CREB3: variants seen among roughly 807,000 people sequenced by gnomAD.
CREB3 encodes cAMP responsive element binding protein 3, also known as cyclic AMP-responsive element-binding protein 3.
CREB3 carries 29 observed loss-of-function variants against 34.5 expected under a neutral mutation model. The ratio of observed to expected loss-of-function variants is 0.84; its 90% CI spans 0.63 to 1.15. The LOEUF (loss-of-function observed/expected upper bound fraction) is 1.15, where lower values mean the gene tolerates loss of function less well. Among genes scored for constraint, CREB3 ranks in the 50% most tolerant of loss-of-function variants. The pLI is 0.00. For synonymous variants in CREB3, 187 were observed against 173.9 expected, an observed-to-expected ratio of 1.08 and a Z score of -0.59; for missense variants, 447 against 443.4, an observed-to-expected ratio of 1.01 and a Z score of -0.07.
Position 35,732,717 on chromosome 9 carries a change from T to A in CREB3, c.-56T>A. ...AGGCCTACAGCTGGCCTGGGGCTCG[T>A]GTCTGGGCTTCGGACGTTGGGGCCC... On this transcript the variant is annotated 5_prime_UTR_variant, in exon 1 of 9. Coordinates refer to ENST00000353704, the MANE Select transcript of CREB3 (RefSeq NM_006368.5). The surrounding 1 kb of genome is among the most constrained non-coding windows in gnomAD (Gnocchi z 5.1). The A allele has an allele frequency of 3.2e-6, 5 of 1,572,366 alleles. No homozygotes were observed. Among genetic ancestry groups the A allele is most frequent in the Non-Finnish European group, 4.3e-6 (5 of 1,159,686 alleles).
rs143473276 is a variant in CREB3 at position 35,735,131 on chromosome 9, G to A, written c.458G>A (p.Arg153His). The A allele has an allele frequency of 6.4e-5, 103 of 1,602,582 alleles. No individual in the cohort carries two copies. Among genetic ancestry groups the A allele is most frequent in the Non-Finnish European group, 7.8e-5 (92 of 1,177,384 alleles). ...CAGACAGAGGAACAAATTCTGAAAC[G>A]TGTGCGGAGGAAGATTCGAAATAAA... ...LTKTEEQILK[R>H]VRRKIRNKRS... is the part of the protein sequence containing the mutation. Residue 153 changes from arginine to histidine, a missense_variant, in exon 5 of 9, where the codon CGT becomes CAT. Coordinates refer to ENST00000353704, the MANE Select transcript of CREB3 (RefSeq NM_006368.5).
chr9:35,733,709 T>A (rs567456434), intron 4 of CREB3, among the ~76,000 whole-genome samples: 1 of 152,250 alleles, frequency 6.6e-6, no homozygotes, highest in East Asian at 1.9e-4. Flanking sequence ...GTTAAAAAAA[T>A]AACTCAAAAT....
Position 35,733,430 on chromosome 9 carries a change from A to G in CREB3, c.380A>G (p.Lys127Arg). 6.2e-7 allele frequency: 1 copy of G among 1,613,908 alleles called. No homozygotes were observed. The highest frequency in any genetic ancestry group is 1.3e-5 in the African/African-American group (1 of 75,046). ...IARLVLTDEE[K>R]SLLEKEGLIL... ...AGGCTAGTACTGACAGATGAGGAGA[A>G]GAGTCTATTGGAGAAGGAGGGGCTT... Residue 127 changes from lysine to arginine, a missense_variant, in exon 4 of 9, where the codon AAG becomes AGG. By Grantham distance (26) the Lys-to-Arg change is conservative. Transcript: ENST00000353704.
rs1318071244 is a variant in CREB3 at position 35,736,098 on chromosome 9, C to T, written c.662C>T (p.Ser221Leu). ...RKLQAMVIEI[S>L]NKTSSSSTCI... ...CTCCAGGCCATGGTGATTGAGATAT[C>T]AAACAAAACCAGCAGCAGCAGCACC... Residue 221 changes from serine (S) to leucine (L), a missense_variant, in exon 7 of 9, where the codon TCA becomes TTA. Coordinates refer to ENST00000353704, the MANE Select transcript of CREB3 (RefSeq NM_006368.5). The T allele has an allele frequency of 6.2e-7, 1 of 1,613,950 alleles. No homozygotes were observed. Among genetic ancestry groups the T allele is most frequent in the East Asian group, 2.2e-5 (1 of 44,896 alleles).
chr9:35,736,468 G>A lies in CREB3; in HGVS notation c.858G>A (p.Val286=). Reference sequence around the variant, plus strand: ...AGCTGCCTGCCCTGCAGTCAGAAGTGCCGAAAGACAGCACACACCAGTGGT... The same window carrying A: ...AGCTGCCTGCCCTGCAGTCAGAAGTACCGAAAGACAGCACACACCAGTGGT... ...QLELPALQSE[V]PKDSTHQWLD... is the part of the protein sequence containing the mutation. The change falls in exon 9 of 9, where the codon GTG becomes GTA. Residue 286 remains valine (V), a synonymous_variant. Coordinates refer to ENST00000353704, the MANE Select transcript of CREB3 (RefSeq NM_006368.5). 2 of 1,614,140 alleles carry A rather than the reference G, an allele frequency of 1.2e-6. No individual in the cohort carries two copies. Among genetic ancestry groups the A allele is most frequent in the South Asian group, 1.1e-5 (1 of 91,086 alleles).
At chr9:35,735,009 A>C (rs980291646) in intron 4 of CREB3, 100 bp from the exon 5 acceptor site, 6 of 963,066 alleles carry the variant, frequency 6.2e-6, no homozygotes, top group Non-Finnish European at 9.3e-6. Flanking sequence ...GGGAAGCTGT[A>C]GAAGGGATTT....
In CREB3 at chr9:35,733,370, T is replaced by G. The variant is rs747311416; in HGVS notation, c.346-26T>G. On this transcript the variant is annotated intron_variant, in intron 3 of 8. Coordinates refer to ENST00000353704, the MANE Select transcript of CREB3 (RefSeq NM_006368.5). ...TTCCTCTCTGACATCCCCATGCAAC[T>G]GCCGTCCACTTTCTTGTTACCCTAG... The G allele has an allele frequency of 1.9e-6, 3 of 1,610,044 alleles. No homozygotes were observed. In the African/African-American group the frequency reaches 4.0e-5, roughly 22 times the overall value.
rs1327462628 is a variant in CREB3 at position 35,732,933 on chromosome 9, G to A, written c.129+32G>A. 6.8e-6 allele frequency: 11 copies of A among 1,612,760 alleles called. No individual in the cohort carries two copies. In the African/African-American group the frequency reaches 1.5e-4, roughly 22 times the overall value. On this transcript the variant is annotated intron_variant, in intron 1 of 8. Transcript: ENST00000353704. This position sits in a 1 kb window ranked among gnomAD's most constrained non-coding sequence, Gnocchi z 5.1. ...TGGGGTTCTGACTGGGGAAAGCGTG[G>A]GATGTCCATGAAGTCAGGTGATGGT...
Position 35,736,580 on chromosome 9 carries a change from C to T in CREB3, c.970C>T (p.Pro324Ser), listed in dbSNP as rs538198948. Residue 324 changes from proline to serine, a missense_variant, in exon 9 of 9, where the codon CCC (proline) becomes TCC (serine). Transcript: ENST00000353704. The part of the protein sequence containing the change: ...YMPQAPSAEP[P>S]LEWPFPDLFS... ...GCCTCAGGCTCCCAGTGCAGAGCCTCCCCTGGAGTGGCCATTCCCTGACCT... is the reference window on the plus strand; with the variant it reads ...GCCTCAGGCTCCCAGTGCAGAGCCTTCCCTGGAGTGGCCATTCCCTGACCT... The T allele has an allele frequency of 3.1e-6, 5 of 1,614,142 alleles. No individual in the cohort carries two copies. The African/African-American group carries it at 5.3e-5, about 17-fold the overall frequency.
At position 35,736,312 on chromosome 9, in the gene CREB3, G is replaced by A. The variant is rs1168620726; in HGVS notation, c.781+1G>A. The A allele has an allele frequency of 3.1e-6, 5 of 1,614,018 alleles. No individual in the cohort carries two copies. The highest frequency in any genetic ancestry group is 4.2e-6 in the Non-Finnish European group (5 of 1,179,950). ...GGGAGCCTGCCAGCTGAGCATGGAG[G>A]TAAGAGGCTTAAGGATAGCTCTCAG... On this transcript the variant is annotated splice_donor_variant, in intron 8 of 8. Coordinates refer to ENST00000353704, the MANE Select transcript of CREB3 (RefSeq NM_006368.5). LOFTEE classifies it high-confidence loss of function.
Position 35,736,779 on chromosome 9 carries a change from T to C in CREB3, c.*53T>C. On this transcript the variant is annotated 3_prime_UTR_variant, in exon 9 of 9. Coordinates refer to ENST00000353704, the MANE Select transcript of CREB3 (RefSeq NM_006368.5). Reference sequence around the variant, plus strand: ...AGGAGCCTGGGGGGCTCCCCATCTGTGTCCAAATAAAAAGCGGTGGGCAAG... The same window carrying C: ...AGGAGCCTGGGGGGCTCCCCATCTGCGTCCAAATAAAAAGCGGTGGGCAAG... 2 of 1,511,140 alleles carry C rather than the reference T, an allele frequency of 1.3e-6. No homozygotes were observed. Among genetic ancestry groups the C allele is most frequent in the South Asian group, 1.2e-5 (1 of 83,022 alleles). 93.6% of individuals were successfully genotyped at this position (1,511,140 alleles called of 1,614,324 possible).
Position 35,732,743 on chromosome 9 carries a change from G to T in CREB3, c.-30G>T. ...GTCTGGGCTTCGGACGTTGGGGCCC[G>T]GTGGCCCACCCTTTCCGTAGTTGTC... On this transcript the variant is annotated 5_prime_UTR_variant, in exon 1 of 9. Coordinates refer to ENST00000353704, the MANE Select transcript of CREB3 (RefSeq NM_006368.5). This position sits in a 1 kb window ranked among gnomAD's most constrained non-coding sequence, Gnocchi z 5.1. The T allele has an allele frequency of 1.0e-5, 16 of 1,588,222 alleles. No individual in the cohort carries two copies. The highest frequency in any genetic ancestry group is 1.4e-5 in the Non-Finnish European group (16 of 1,166,890).
chr9:35,733,532 C>A lies in CREB3; in HGVS notation c.435+47C>A, dbSNP rs375482604. 5.1e-5 allele frequency: 67 copies of A among 1,314,922 alleles called. No homozygotes were observed. The African/African-American group carries it at 9.0e-4, about 18-fold the overall frequency. 81.5% of individuals were successfully genotyped at this position (1,314,922 alleles called of 1,614,324 possible). A position where few individuals can be genotyped will look rare whatever the true frequency, so the allele number is the denominator to read the frequency against. ...CAAAGGCTGAAAAGGGATTAAAAGTCCCAAGTAGGCAAATTCTGTTAACTT... is the reference window on the plus strand; with the variant it reads ...CAAAGGCTGAAAAGGGATTAAAAGTACCAAGTAGGCAAATTCTGTTAACTT... On this transcript the variant is annotated intron_variant, in intron 4 of 8. Transcript: ENST00000353704.
rs139523083 is a variant in CREB3 at position 35,736,245 on chromosome 9, T to G, written c.715T>G (p.Cys239Gly). ...GCTCTAGGTCCTACTAGTCTCCTTC[T>G]GCCTCCTCCTTGTACCTGCTATGTA... ...TCILVLLVSF[C>G]LLLVPAMYSS... Residue 239 changes from cysteine (C) to glycine (G), a missense_variant, in exon 8 of 9, where the codon TGC becomes GGC. Coordinates refer to ENST00000353704, the MANE Select transcript of CREB3 (RefSeq NM_006368.5). The G allele has an allele frequency of 3.1e-6, 5 of 1,614,082 alleles. No individual in the cohort carries two copies. Among genetic ancestry groups the G allele is most frequent in the Non-Finnish European group, 4.2e-6 (5 of 1,180,026 alleles).
chr9:35,735,177 C>T lies in CREB3; in HGVS notation c.504C>T (p.Arg168=). The T allele has an allele frequency of 6.2e-7, 1 of 1,602,832 alleles. No individual in the cohort carries two copies. The highest frequency in any genetic ancestry group is 8.5e-7 in the Non-Finnish European group (1 of 1,177,344). Residue 168 remains arginine (R), a synonymous_variant, in exon 5 of 9, where the codon CGC becomes CGT. Transcript: ENST00000353704. The part of the protein sequence containing the change: ...IRNKRSAQES[R]RKKKVYVGGL... The stretch of plus-strand genomic sequence containing the variant: ...ATAAAAGATCTGCTCAAGAGAGCCG[C>T]AGGAAAAAGAAGGTGTATGTTGGGG...
At chr9:35,734,830 C>T (rs902609275) in intron 4 of CREB3, among the ~76,000 whole-genome samples, 12 of 152,174 alleles carry the variant, frequency 7.9e-5, no homozygotes, top group Admixed American at 4.6e-4. Flanking sequence ...TGGGCTCAAC[C>T]GGTCCTCCTG....
At position 35,733,060 on chromosome 9, in the gene CREB3, A is replaced by G; in HGVS notation, c.194A>G (p.Asn65Ser). 8.7e-6 allele frequency: 14 copies of G among 1,614,180 alleles called. No homozygotes were observed. Among genetic ancestry groups the G allele is most frequent in the Non-Finnish European group, 1.2e-5 (14 of 1,180,036 alleles). The change falls in exon 2 of 9, where the codon AAC becomes AGC. Residue 65 changes from asparagine (N) to serine (S), a missense_variant. Transcript: ENST00000353704. ...CSLLSPPASL[N>S]ILSSSNPCLV... ...CTGCTGAGTCCCCCAGCGTCGTTGA[A>G]CATTCTCAGCTCCTCCAACCCCTGC... is the stretch of plus-strand genomic sequence containing the variant.
At chr9:35,733,303 G>A in intron 3 of CREB3, 21 bp downstream of exon 3, 1 of 1,613,890 alleles carries the variant, frequency 6.2e-7, no homozygotes. Context: ...TGATTTTCAG[G>A]AGATTACTCT....
In CREB3 at chr9:35,735,231, G is replaced by A. The variant is rs765778509; in HGVS notation, c.542+16G>A. On this transcript the variant is annotated intron_variant, in intron 5 of 8. Coordinates refer to ENST00000353704, the MANE Select transcript of CREB3 (RefSeq NM_006368.5). ...TAGAGAGCAGGTATGAAAGGGAGAG[G>A]GACTCTGTTGTAAGTATTAGGTTTT... The A allele has an allele frequency of 8.1e-6, 13 of 1,612,340 alleles. No homozygotes were observed. Among genetic ancestry groups the A allele is most frequent in the Admixed American group, 1.7e-5 (1 of 59,888 alleles).
Sources: allele counts gnomAD v4.1 joint callset (sites outside exome capture counted in the v4.1 genomes callset), GRCh38; gene constraint gnomAD v4.1.1; non-coding constraint Gnocchi (gnomAD v3.1); transcripts MANE v1.5; gene names NCBI Gene and HGNC (gene_info 2026-07-23, HGNC 2026-07-21).